VPS35L: variants seen among roughly 807,000 people sequenced by gnomAD.
VPS35L encodes VPS35 endosomal protein-sorting factor-like.
In VPS35L, 83 loss-of-function variants were observed where a neutral mutation model predicts 133.0. The ratio of observed to expected loss-of-function variants is 0.62; its 90% CI spans 0.52 to 0.75. The LOEUF is 0.75. VPS35L is among the 30% of genes least tolerant of loss of function. VPS35L has a pLI of 0.00. For synonymous variants in VPS35L, 423 were observed against 449.9 expected, an observed-to-expected ratio of 0.94 and a Z score of 0.76; for missense variants, 1,083 against 1,206.8, an observed-to-expected ratio of 0.90 and a Z score of 1.52.
intron 26 of VPS35L, among the ~76,000 whole-genome samples, chr16:19,659,274 G>A (rs901939319): frequency 6.6e-6 from 1 of 152,140 alleles, no homozygotes; most frequent in African/African-American, 2.4e-5. Flanking sequence ...TATCTCCGAG[G>A]TAGGAGTTAG....
intron 22 of VPS35L, 95 bp downstream of exon 22, chr16:19,642,571 A>C (rs1973819707): frequency 9.9e-7 from 1 of 1,007,868 alleles, no homozygotes; most frequent in Non-Finnish European, 1.4e-6. Flanking sequence ...TGCCACTGTG[A>C]ATAATATTAC....
At chr16:19,586,492 A>G (rs1410739537) in intron 7 of VPS35L, among the ~76,000 whole-genome samples, 1 of 152,114 alleles carries the variant, frequency 6.6e-6, no homozygotes, top group Non-Finnish European at 1.5e-5. Flanking sequence ...GGAGCCTGCT[A>G]TCACGCCCAG....
intron 27 of VPS35L, among the ~76,000 whole-genome samples, chr16:19,680,915 C>T (rs1017896243): frequency 3.6e-5 from 2 of 54,972 alleles, no homozygotes; most frequent in African/African-American, 2.2e-4. Context: ...TCAGAACCCG[C>T]CCCCCCCCTA....
intron 21 of VPS35L, among the ~76,000 whole-genome samples, chr16:19,641,664 A>T (rs1332087332): frequency 6.6e-6 from 1 of 152,174 alleles, no homozygotes; most frequent in Non-Finnish European, 1.5e-5. Flanking sequence ...TTACCTAAAG[A>T]TTTGTTTTAA....
intron 2 of VPS35L, among the ~76,000 whole-genome samples, chr16:19,567,972 A>G (rs1481982086): frequency 1.0e-5 from 1 of 98,830 alleles, no homozygotes. Context: ...CCTGTCTCCA[A>G]AAAAAAAAAA....
At chr16:19,684,010 C>A (rs1975374160) in intron 28 of VPS35L, among the ~76,000 whole-genome samples, 1 of 151,962 alleles carries the variant, frequency 6.6e-6, no homozygotes, top group South Asian at 2.1e-4. Context: ...TATACACATG[C>A]ATGAGCTTCG....
At chr16:19,562,920 AATTT>A (rs545996029) in intron 1 of VPS35L, among the ~76,000 whole-genome samples, 2 of 151,648 alleles carry the variant, frequency 1.3e-5, no homozygotes, top group Non-Finnish European at 2.9e-5. Context: ...ACACCCAGCA[AATTT>A]ATTTATTTAT....
At chr16:19,570,579 C>A (rs1035655273) in intron 3 of VPS35L, among the ~76,000 whole-genome samples, 3 of 151,696 alleles carry the variant, frequency 2.0e-5, no homozygotes, top group East Asian at 3.9e-4. Flanking sequence ...TAGATACTTG[C>A]GATAGCAGTT....
intron 28 of VPS35L, among the ~76,000 whole-genome samples, chr16:19,689,255 G>A (rs1429988772): frequency 1.3e-5 from 2 of 148,840 alleles, no homozygotes; most frequent in Non-Finnish European, 3.0e-5. Context: ...GGGATTACAG[G>A]TGTGAGCCAC....
At position 19,627,915 on chromosome 16, in the gene VPS35L, C is replaced by T. The variant is rs1047643747; in HGVS notation, c.1383+110C>T. ...CAGCATGGGCCAGCAGGAACACAGG[C>T]GAAGGCTCTGTTTCTGAGGAACGCA... On this transcript the variant is annotated intron_variant, in intron 16 of 30. Coordinates refer to ENST00000417362, the MANE Select transcript of VPS35L (RefSeq NM_020314.7). 22 of 838,372 alleles carry T rather than the reference C, an allele frequency of 2.6e-5. No homozygotes were observed. The African/African-American group carries it at 2.7e-4, about 10-fold the overall frequency. 51.9% of individuals were successfully genotyped at this position (838,372 alleles called of 1,614,324 possible). A position where few individuals can be genotyped will look rare whatever the true frequency, so the allele number is the denominator to read the frequency against.
intron 1 of VPS35L, among the ~76,000 whole-genome samples, chr16:19,556,072 T>C (rs927483184): frequency 6.6e-6 from 1 of 152,118 alleles, no homozygotes; most frequent in Admixed American, 6.5e-5. Flanking sequence ...GGTCGCTGGA[T>C]GAGGGTAATG....
chr16:19,651,071 G>A (rs56001216), intron 25 of VPS35L, among the ~76,000 whole-genome samples: 7,723 of 152,070 alleles, frequency 0.051, 640 homozygotes, highest in African/African-American at 0.17. Flanking sequence ...AGTAGAGATG[G>A]GGGTTTCACC....
intron 7 of VPS35L, among the ~76,000 whole-genome samples, chr16:19,589,338 C>T (rs375118565): frequency 3.3e-5 from 5 of 152,114 alleles, no homozygotes; most frequent in African/African-American, 1.2e-4. Flanking sequence ...CTGCTTCCCT[C>T]GCTCAAGTGA....
At chr16:19,697,286 C>T (rs775988335) in intron 29 of VPS35L, among the ~76,000 whole-genome samples, 6 of 152,056 alleles carry the variant, frequency 3.9e-5, no homozygotes, top group South Asian at 2.1e-4. Flanking sequence ...GGGGAGGTGC[C>T]GAAGAGTCTT....
chr16:19,658,690 A>T (rs1003876958), intron 26 of VPS35L, among the ~76,000 whole-genome samples: 22 of 151,948 alleles, frequency 1.4e-4, no homozygotes, highest in Admixed American at 2.0e-4. Context: ...GAAAGAGGAA[A>T]AAAAAAAAGA....
chr16:19,689,567 C>T (rs1360171593), intron 28 of VPS35L, among the ~76,000 whole-genome samples: 1 of 152,118 alleles, frequency 6.6e-6, no homozygotes, highest in African/African-American at 2.4e-5. Context: ...CCACAGTGCC[C>T]AGCCCCAGTT....
In VPS35L at chr16:19,681,387, TC is replaced by T. The variant is rs758719940; in HGVS notation, c.2362-833del. Among the ~76,000 whole-genome samples the T allele has an allele frequency of 7.7e-4, 117 of 152,286 alleles. No homozygotes were observed. In the Middle Eastern group the frequency reaches 0.01, roughly 13 times the overall value. On this transcript the variant is annotated intron_variant, in intron 27 of 30. Transcript: ENST00000417362. ...CCGCTGCAGGTTCCAATCATGCTGT[TC>T]CCCCTGCCGCTGCGGGTTCCAATCG...
intron 8 of VPS35L, among the ~76,000 whole-genome samples, chr16:19,598,218 A>G (rs867481899): frequency 3.9e-5 from 6 of 152,214 alleles, no homozygotes; most frequent in Admixed American, 1.3e-4. Context: ...ATTCATAGGA[A>G]GTATAATGTC....
At chr16:19,627,908 A>G (rs1358514732) in intron 16 of VPS35L, 103 bp downstream of exon 16, 1 of 885,800 alleles carries the variant, frequency 1.1e-6, no homozygotes, top group African/African-American at 1.6e-5. Context: ...GCCAGCAGGA[A>G]CACAGGCGAA....
Sources: gnomAD v4.1 joint callset for allele counts (sites outside exome capture counted in the v4.1 genomes callset) on GRCh38, gnomAD v4.1.1 for gene constraint, MANE v1.5 for transcripts, NCBI Gene and HGNC (gene_info 2026-07-23, HGNC 2026-07-21) for gene names.